Variants in GRIA1 observed in about 807,000 individuals in gnomAD.
The protein encoded by GRIA1 is glutamate receptor 1.
In GRIA1, 31 loss-of-function variants were observed where a neutral mutation model predicts 99.2. The observed-to-expected ratio is 0.31, with a 90% CI of 0.23 to 0.42. The LOEUF is 0.42. GRIA1 is among the 10% of genes least tolerant of loss of function. The pLI is 1.00. For synonymous variants in GRIA1, 438 were observed against 432.4 expected (o/e 1.01, Z -0.16); for missense variants, 782 against 1,157.5 (o/e 0.68, Z 4.71).
At chr5:153,610,391 C>T (rs192927539) in intron 2 of GRIA1, among the ~76,000 whole-genome samples, 3 of 152,182 alleles carry the variant, frequency 2.0e-5, no homozygotes, top group African/African-American at 7.2e-5. Flanking sequence ...CAGAATAGAC[C>T]TTGTTGAAAG....
chr5:153,739,784 G>A (rs1274529593), intron 11 of GRIA1, among the ~76,000 whole-genome samples: 1 of 152,112 alleles, frequency 6.6e-6, no homozygotes, highest in Non-Finnish European at 1.5e-5. Context: ...ATCTCTCATG[G>A]GAAGAAGATT....
intron 5 of GRIA1, among the ~76,000 whole-genome samples, chr5:153,673,618 T>A (rs1756358203): frequency 6.6e-6 from 1 of 152,252 alleles, no homozygotes; most frequent in Non-Finnish European, 1.5e-5. Flanking sequence ...ACTCCCTAAA[T>A]GACGCCTCTG....
intron 11 of GRIA1, among the ~76,000 whole-genome samples, chr5:153,741,199 C>T (rs915432739): frequency 1.6e-4 from 24 of 152,064 alleles, no homozygotes; most frequent in Admixed American, 2.0e-4. Flanking sequence ...TGGACTCGAT[C>T]TCCTGACCTA....
At chr5:153,510,456 T>C (rs1755955749) in intron 2 of GRIA1, among the ~76,000 whole-genome samples, 1 of 152,190 alleles carries the variant, frequency 6.6e-6, no homozygotes, top group South Asian at 2.1e-4. Flanking sequence ...CCAGCGGGCA[T>C]TGTGAACAGA....
At chr5:153,558,816 G>C (rs115207115) in intron 2 of GRIA1, among the ~76,000 whole-genome samples, 1 of 151,930 alleles carries the variant, frequency 6.6e-6, no homozygotes, top group Non-Finnish European at 1.5e-5. Flanking sequence ...TTTTTTTCTG[G>C]GAAGATAGTA....
At position 153,777,956 on chromosome 5, in the gene GRIA1, T is replaced by C. The variant is rs558801670; in HGVS notation, c.2270+7541T>C. ...GGGTAGCCAGGGATGCTTGTTGTCA[T>C]GGTAACCCTATGAACTCTGTGACCC... On this transcript the variant is annotated intron_variant, in intron 13 of 15. Transcript: ENST00000285900. Among the ~76,000 whole-genome samples the C allele has an allele frequency of 2.0e-5, 3 of 152,306 alleles. No individual in the cohort carries two copies. In the East Asian group the frequency reaches 5.8e-4, roughly 29 times the overall value.
In GRIA1 at chr5:153,655,295, A is replaced by G. The variant is rs139423947; in HGVS notation, c.646-524A>G. On this transcript the variant is annotated intron_variant, in intron 4 of 15. Coordinates refer to ENST00000285900, the MANE Select transcript of GRIA1 (RefSeq NM_000827.4). The stretch of plus-strand genomic sequence containing the variant: ...TTCAGAAAAAGAAAGAAGAGCATCT[A>G]TATATGGTTCATGCAAGGAATTGAA... 3.9e-3 allele frequency among the ~76,000 whole-genome samples: 599 copies of G among 152,350 alleles called. 7 individuals are homozygous for G. Among genetic ancestry groups the G allele is most frequent in the African/African-American group, 0.014 (570 of 41,578 alleles).
intron 2 of GRIA1, among the ~76,000 whole-genome samples, chr5:153,592,354 G>A (rs1206761760): frequency 6.6e-6 from 1 of 152,148 alleles, no homozygotes; most frequent in African/African-American, 2.4e-5. Context: ...TCTAGAGTTA[G>A]CAGAGTCCAG....
chr5:153,809,888 G>A (rs1211429081), intron 15 of GRIA1, among the ~76,000 whole-genome samples: 3 of 152,122 alleles, frequency 2.0e-5, no homozygotes, highest in Non-Finnish European at 2.9e-5. Flanking sequence ...AGAACAGAAC[G>A]CACCTTGAAG....
chr5:153,717,156 C>T (rs1759723422), intron 11 of GRIA1, among the ~76,000 whole-genome samples: 1 of 152,132 alleles, frequency 6.6e-6, no homozygotes, highest in Non-Finnish European at 1.5e-5. Context: ...CTCCCTGGAA[C>T]ACAGGAACTA....
At chr5:153,688,875 A>G (rs1757533942) in intron 8 of GRIA1, among the ~76,000 whole-genome samples, 1 of 151,954 alleles carries the variant, frequency 6.6e-6, no homozygotes, top group South Asian at 2.1e-4. Context: ...GCCCATCACC[A>G]CACCTGGCTA....
chr5:153,678,584 A>T (rs1475956159), intron 7 of GRIA1, among the ~76,000 whole-genome samples: 1 of 152,044 alleles, frequency 6.6e-6, no homozygotes, highest in East Asian at 1.9e-4. Context: ...CCCCCACCTC[A>T]GCTTATTTAA....
intron 2 of GRIA1, among the ~76,000 whole-genome samples, chr5:153,601,038 G>A (rs1764908111): frequency 6.6e-6 from 1 of 152,198 alleles, no homozygotes; most frequent in Admixed American, 6.5e-5. Context: ...AAGTTTTCAA[G>A]TAGAGGACCA....
At chr5:153,523,016 ATCTCTCTCTCTC>A (rs61177262) in intron 2 of GRIA1, among the ~76,000 whole-genome samples, 1 of 141,554 alleles carries the variant, frequency 7.1e-6, no homozygotes, top group South Asian at 2.4e-4. Flanking sequence ...TGTTCCTGAT[ATCTCTCTCTCTC>A]TCTCTCTCTC....
chr5:153,812,608 GA>G lies in GRIA1; in HGVS notation c.*1384del. On this transcript the variant is annotated 3_prime_UTR_variant, in exon 16 of 16. Coordinates refer to ENST00000285900, the MANE Select transcript of GRIA1 (RefSeq NM_000827.4). ...TCCCAGGTTCTAACTCAAAGAGGCTGACCTTCCCCCAGCTAAGATAGCATGA... is the reference window on the plus strand; with the variant it reads ...TCCCAGGTTCTAACTCAAAGAGGCTGCCTTCCCCCAGCTAAGATAGCATGA... 1 of 152,346 alleles carries G rather than the reference GA, an allele frequency of 6.6e-6. No homozygotes were observed. The highest frequency in any genetic ancestry group is 2.1e-4 in the South Asian group (1 of 4,828). The allele number at this position is 152,346 out of a possible 1,614,324, so 9.4% of individuals were successfully genotyped here.
chr5:153,736,191 A>G (rs1761367627), intron 11 of GRIA1, among the ~76,000 whole-genome samples: 1 of 152,202 alleles, frequency 6.6e-6, no homozygotes, highest in South Asian at 2.1e-4. Context: ...AACACAGGAA[A>G]GTCTGGAGTT....
intron 11 of GRIA1, among the ~76,000 whole-genome samples, chr5:153,714,105 A>G (rs1188964919): frequency 6.6e-6 from 1 of 152,212 alleles, no homozygotes; most frequent in Non-Finnish European, 1.5e-5. Context: ...GTTCAATAGC[A>G]TAGGAGTGGA....
chr5:153,707,733 C>A (rs1221337778), intron 11 of GRIA1, among the ~76,000 whole-genome samples: 3 of 152,114 alleles, frequency 2.0e-5, no homozygotes, highest in African/African-American at 7.2e-5. Flanking sequence ...TAACAAGCTT[C>A]CCTCAGGACT....
chr5:153,620,146 C>T (rs1766894731), intron 2 of GRIA1, among the ~76,000 whole-genome samples: 1 of 152,132 alleles, frequency 6.6e-6, no homozygotes, highest in African/African-American at 2.4e-5. Context: ...AAAAGCATTA[C>T]CCCTCTGTAG....
Sources: allele counts gnomAD v4.1 joint callset (sites outside exome capture counted in the v4.1 genomes callset), GRCh38; gene constraint gnomAD v4.1.1; transcripts MANE v1.5; gene names NCBI Gene and HGNC (gene_info 2026-07-23, HGNC 2026-07-21).